The following MUC3A variants were observed in gnomAD, a reference collection of about 807,000 sequenced individuals.
The protein encoded by MUC3A is mucin 3A, cell surface associated, also known as mucin-3A.
Under a neutral mutation model 109.0 loss-of-function variants are expected in MUC3A, and 109 were observed. That is an observed-to-expected ratio of 1.00 (90% CI 0.86 to 1.17). The LOEUF (loss-of-function observed/expected upper bound fraction) is 1.17. Ranked by LOEUF, MUC3A falls within the 50% of genes most tolerant of loss-of-function variation. MUC3A has a pLI of 0.00. For synonymous variants in MUC3A, 1,398 were observed against 981.4 expected, an observed-to-expected ratio of 1.42 and a Z score of -7.93; for missense variants, 3,537 against 2,469.4, an observed-to-expected ratio of 1.43 and a Z score of -9.16.
rs767750373 is a variant in MUC3A at position 100,967,169 on chromosome 7, C to A, written c.*7C>A. 3.8e-6 allele frequency: 6 copies of A among 1,598,540 alleles called. No homozygotes were observed. The highest frequency in any genetic ancestry group is 5.1e-6 in the Non-Finnish European group (6 of 1,179,816). The stretch of plus-strand genomic sequence containing the variant: ...GACCTCGTCCTCAGTGTGAGCCCTG[C>A]GGGGCCCCTTCACCACCCCCTCCGC... On this transcript the variant is annotated 3_prime_UTR_variant, in exon 12 of 12. Coordinates refer to ENST00000379458, the MANE Select transcript of MUC3A (RefSeq NM_005960.2).
chr7:100,963,262 A>G lies in MUC3A; in HGVS notation c.9164A>G (p.Asn3055Ser). Residue 3055 changes from asparagine (N) to serine (S), a missense_variant, in exon 4 of 12, where the codon AAT (asparagine) becomes AGT (serine). Transcript: ENST00000379458. ...AYRDFNKTFW[N>S]QMQKIFADMQ... ...AGGGATTTCAACAAGACCTTCTGGAATCAGGTAAAGGGCAAAGAGAGGGGA... is the reference window on the plus strand; with the variant it reads ...AGGGATTTCAACAAGACCTTCTGGAGTCAGGTAAAGGGCAAAGAGAGGGGA... The G allele has an allele frequency of 1.3e-6, 2 of 1,597,304 alleles. No individual in the cohort carries two copies. Among genetic ancestry groups the G allele is most frequent in the South Asian group, 2.2e-5 (2 of 90,720 alleles).
At chr7:100,964,927 G>T in intron 6 of MUC3A, 84 bp downstream of exon 6, 1 of 1,493,350 alleles carries the variant, frequency 6.7e-7, no homozygotes, top group Middle Eastern at 2.0e-4. Context: ...ACTGGGCTCA[G>T]GTGCCAGCCC....
rs1792004997 is a variant in MUC3A, at chr7:100,952,874, T to TTCTCTCCCACCCACCTCTTCC, written c.1105_1125dup (p.Pro369_Pro375dup). ...TGACAGGTACATTGTCCACAGAGAC[T>TTCTCTCCCACCCACCTCTTCC]TCTCTCCCACCCACCTCTTCCTCTC... On this transcript the variant is annotated inframe_insertion, in exon 2 of 12. Transcript: ENST00000379458. 4 of 1,551,666 alleles carry TTCTCTCCCACCCACCTCTTCC rather than the reference T, an allele frequency of 2.6e-6. No individual in the cohort carries two copies. The highest frequency in any genetic ancestry group is 2.7e-5 in the African/African-American group (2 of 73,830).
In MUC3A at chr7:100,960,387, G is replaced by A; in HGVS notation, c.8608G>A (p.Glu2870Lys). 1.9e-6 allele frequency: 3 copies of A among 1,598,538 alleles called. No homozygotes were observed. The highest frequency in any genetic ancestry group is 2.5e-6 in the Non-Finnish European group (3 of 1,179,828). ...CACAAGTACTCGACTGCCCACCAGT[G>A]AGACCTGGCTGAGCAACAGTTCTGT... ...VFTSTRLPTSETWLSNSSVIP... is the reference protein window; with the variant it reads ...VFTSTRLPTSKTWLSNSSVIP... Residue 2870 changes from glutamate (E) to lysine (K), a missense_variant, in exon 2 of 12, where the codon GAG (glutamate) becomes AAG (lysine). Coordinates refer to ENST00000379458, the MANE Select transcript of MUC3A (RefSeq NM_005960.2).
chr7:100,962,260 A>C (rs1162009580), intron 3 of MUC3A, among the ~76,000 whole-genome samples: 36 of 2,448 alleles, frequency 0.015, 7 homozygotes, highest in Non-Finnish European at 0.041. Flanking sequence ...AAAAAAAAAA[A>C]AAAAAAACTT....
At position 100,960,553 on chromosome 7, in the gene MUC3A, C is replaced by T. The variant is rs1020182126; in HGVS notation, c.8774C>T (p.Ala2925Val). Residue 2925 changes from alanine to valine, a missense_variant, in exon 2 of 12, where the codon GCC (alanine) becomes GTC (valine). Coordinates refer to ENST00000379458, the MANE Select transcript of MUC3A (RefSeq NM_005960.2). ...PTTRTSETPV[A>V]TTQTPTTLTS... ...ACTAGGACTTCAGAGACACCAGTGG[C>T]CACTACCCAGACTCCTACCACCCTT... 1.9e-6 allele frequency: 3 copies of T among 1,598,740 alleles called. No individual in the cohort carries two copies. The highest frequency in any genetic ancestry group is 2.5e-6 in the Non-Finnish European group (3 of 1,179,820).
At chr7:100,963,303 T>TTTTTTTTTTGA in intron 4 of MUC3A, 37 bp downstream of exon 4, 71 of 1,392,642 alleles carry the variant, frequency 5.1e-5, no homozygotes, top group Non-Finnish European at 6.8e-5. Flanking sequence ...TTTTTTTTTT[T>TTTTTTTTTTGA]GAGGTGTAGT....
In MUC3A at chr7:100,959,768, C is replaced by G. The variant is rs761623348; in HGVS notation, c.7989C>G (p.Phe2663Leu). The change falls in exon 2 of 12, where the codon TTC becomes TTG. Residue 2663 changes from phenylalanine (F) to leucine (L), a missense_variant. By Grantham distance (22) the Phe-to-Leu change is conservative. Transcript: ENST00000379458. ...TSTSEFTTESFTRGSTSTNAI... is the reference protein window; with the variant it reads ...TSTSEFTTESLTRGSTSTNAI... ...CAAGTGAGTTCACTACAGAATCTTT[C>G]ACTAGGGGAAGTACGTCTACAAATG... 2 of 1,597,900 alleles carry G rather than the reference C, an allele frequency of 1.3e-6. No homozygotes were observed. Among genetic ancestry groups the G allele is most frequent in the Non-Finnish European group, 1.7e-6 (2 of 1,179,516 alleles).
intron 6 of MUC3A, 30 bp from the exon 7 acceptor site, chr7:100,965,252 C>T: frequency 6.3e-7 from 1 of 1,596,752 alleles, no homozygotes; most frequent in East Asian, 2.2e-5. Context: ...ATCTGCCCCG[C>T]CCATTCCATC....
chr7:100,956,989 C>A lies in MUC3A; in HGVS notation c.5210C>A (p.Pro1737His), dbSNP rs1792113750. 3 of 438,246 alleles carry A rather than the reference C, an allele frequency of 6.8e-6. No individual in the cohort carries two copies. Among genetic ancestry groups the A allele is most frequent in the Admixed American group, 7.9e-5 (2 of 25,282 alleles). The allele number at this position is 438,246 out of a possible 1,614,324, so 27.1% of individuals were successfully genotyped here. The change falls in exon 2 of 12, where the codon CCT (proline) becomes CAT (histidine). Residue 1737 changes from proline (P) to histidine (H), a missense_variant. Physicochemically the swap from Pro to His is moderately conservative, Grantham distance 77 (BLOSUM62 -2). Transcript: ENST00000379458. ...TTCACCAGTTCAACAGCCACATCCC[C>A]TAAGACCACCACACTGACTCCTACC... is the stretch of plus-strand genomic sequence containing the variant. ...TTFTSSTATSPKTTTLTPTSD... is the reference protein window; with the variant it reads ...TTFTSSTATSHKTTTLTPTSD...
In MUC3A at chr7:100,956,088, A is replaced by G. The variant is rs1792088804; in HGVS notation, c.4309A>G (p.Thr1437Ala). The change falls in exon 2 of 12, where the codon ACA becomes GCA. Residue 1437 changes from threonine to alanine, a missense_variant. Coordinates refer to ENST00000379458, the MANE Select transcript of MUC3A (RefSeq NM_005960.2). Reference protein sequence around the residue: ...PSTEVTTSHTTNTNPVSTLVT... With the variant: ...PSTEVTTSHTANTNPVSTLVT... Reference sequence around the variant, plus strand: ...CACAGAGGTGACCACCAGTCATACCACAAACACCAATCCTGTATCCACGTT... The same window carrying G: ...CACAGAGGTGACCACCAGTCATACCGCAAACACCAATCCTGTATCCACGTT... The G allele has an allele frequency of 4.6e-6, 2 of 438,170 alleles. No individual in the cohort carries two copies. The highest frequency in any genetic ancestry group is 2.0e-5 in the African/African-American group (1 of 49,398). 27.1% of individuals were successfully genotyped at this position (438,170 alleles called of 1,614,324 possible). A position where few individuals can be genotyped will look rare whatever the true frequency, so the allele number is the denominator to read the frequency against.
chr7:100,957,738 C>T lies in MUC3A; in HGVS notation c.5959C>T (p.His1987Tyr). Residue 1987 changes from histidine (H) to tyrosine (Y), a missense_variant, in exon 2 of 12, where the codon CAC becomes TAC. His to Tyr is a moderately conservative substitution (Grantham distance 83). Coordinates refer to ENST00000379458, the MANE Select transcript of MUC3A (RefSeq NM_005960.2). ...SSITTTKTTS[H>Y]STPSYTSLIT... ...AATCACCACCACCAAGACCACCTCACACAGTACTCCCAGCTACACTTCTTT... is the reference window on the plus strand; with the variant it reads ...AATCACCACCACCAAGACCACCTCATACAGTACTCCCAGCTACACTTCTTT... 1.5e-6 allele frequency: 2 copies of T among 1,321,036 alleles called. No homozygotes were observed. The highest frequency in any genetic ancestry group is 2.1e-6 in the Non-Finnish European group (2 of 953,884). The allele number at this position is 1,321,036 out of a possible 1,614,324, so 81.8% of individuals were successfully genotyped here. A position where few individuals can be genotyped will look rare whatever the true frequency, so the allele number is the denominator to read the frequency against.
Position 100,959,818 on chromosome 7 carries a change from T to G in MUC3A, c.8039T>G (p.Ile2680Ser). Residue 2680 changes from isoleucine (I) to serine (S), a missense_variant, in exon 2 of 12, where the codon ATC (isoleucine) becomes AGC (serine). By Grantham distance (142) the Ile-to-Ser change is moderately radical. Coordinates refer to ENST00000379458, the MANE Select transcript of MUC3A (RefSeq NM_005960.2). ...TNAILTSFST[I>S]IWSSTPTIIM... ...GCAATCTTGACTTCTTTTAGTACCA[T>G]CATCTGGTCCTCAACACCCACTATT... The G allele has an allele frequency of 6.3e-7, 1 of 1,585,862 alleles. No homozygotes were observed. The highest frequency in any genetic ancestry group is 8.5e-7 in the Non-Finnish European group (1 of 1,173,594).
At chr7:100,963,866 G>C in intron 5 of MUC3A, 114 bp downstream of exon 5, 9 of 1,402,718 alleles carry the variant, frequency 6.4e-6, no homozygotes, top group Non-Finnish European at 8.8e-6. Flanking sequence ...GGGGTGGAGG[G>C]GGTACATAAG....
In MUC3A at chr7:100,967,399, C is replaced by T. The variant is rs933140584; in HGVS notation, c.*237C>T. ...TGTGGAATCTTGGGCAAGTCAGTAACGAGCCTCAGTTTCCTCACCTGCAAA... is the reference window on the plus strand; with the variant it reads ...TGTGGAATCTTGGGCAAGTCAGTAATGAGCCTCAGTTTCCTCACCTGCAAA... On this transcript the variant is annotated 3_prime_UTR_variant, in exon 12 of 12. Transcript: ENST00000379458. 10 of 646,434 alleles carry T rather than the reference C, an allele frequency of 1.5e-5. No individual in the cohort carries two copies. The highest frequency in any genetic ancestry group is 8.2e-5 in the East Asian group (3 of 36,536). 40.0% of individuals were successfully genotyped at this position (646,434 alleles called of 1,614,324 possible). A position where few individuals can be genotyped will look rare whatever the true frequency, so the allele number is the denominator to read the frequency against.
In MUC3A at chr7:100,964,524, C is replaced by A. The variant is rs1269939441; in HGVS notation, c.9234-171C>A. 6.3e-6 allele frequency: 7 copies of A among 1,117,480 alleles called. No individual in the cohort carries two copies. In the African/African-American group the frequency reaches 6.3e-5, roughly 10 times the overall value. 69.2% of individuals were successfully genotyped at this position (1,117,480 alleles called of 1,614,324 possible). On this transcript the variant is annotated intron_variant, in intron 5 of 11. Coordinates refer to ENST00000379458, the MANE Select transcript of MUC3A (RefSeq NM_005960.2). ...TCCTTGTCCTGCCTTCCCAGGCAGA[C>A]CAAGTCAGGAATGCTGGCAGCCCCT...
chr7:100,963,485 C>T (rs1204135228), intron 4 of MUC3A, among the ~76,000 whole-genome samples: 3 of 152,310 alleles, frequency 2.0e-5, no homozygotes, highest in African/African-American at 7.2e-5. Flanking sequence ...CGGGTTTTCA[C>T]TATGTTGGCC....
In MUC3A at chr7:100,960,597, C is replaced by T. The variant is rs549158856; in HGVS notation, c.8818C>T (p.Arg2940Cys). 11 of 1,598,676 alleles carry T rather than the reference C, an allele frequency of 6.9e-6. No individual in the cohort carries two copies. Among genetic ancestry groups the T allele is most frequent in the Admixed American group, 5.0e-5 (3 of 60,026 alleles). The change falls in exon 2 of 12, where the codon CGC (arginine) becomes TGC (cysteine). Residue 2940 changes from arginine to cysteine, a missense_variant. Arg to Cys is a radical substitution (Grantham distance 180). Transcript: ENST00000379458. ...CACCCTTACATCACGCAGGACAACT[C>T]GCATCACTTCTCAGATGACCACACA... Reference protein sequence around the residue: ...PTTLTSRRTTRITSQMTTQST... With the variant: ...PTTLTSRRTTCITSQMTTQST...
chr7:100,963,171 G>A lies in MUC3A; in HGVS notation c.9073G>A (p.Gly3025Ser), dbSNP rs923504277. 10 of 1,596,246 alleles carry A rather than the reference G, an allele frequency of 6.3e-6. No homozygotes were observed. The African/African-American group carries it at 1.3e-4, about 21-fold the overall frequency. Residue 3025 changes from glycine to serine, a missense_variant, in exon 4 of 12, where the codon GGC becomes AGC. Physicochemically the swap from Gly to Ser is moderately conservative, Grantham distance 56 (BLOSUM62 0). Transcript: ENST00000379458. ...TGTAGATGTAGTGGAGACCGAGGTG[G>A]GCATGGAAGTGTCTGTGGATCAGCA... is the stretch of plus-strand genomic sequence containing the variant. Reference protein sequence around the residue: ...VDLDVVETEVGMEVSVDQQFS... With the variant: ...VDLDVVETEVSMEVSVDQQFS...
Sources: allele counts gnomAD v4.1 joint callset (sites outside exome capture counted in the v4.1 genomes callset), GRCh38; gene constraint gnomAD v4.1.1; transcripts MANE v1.5; gene names NCBI Gene and HGNC (gene_info 2026-07-23, HGNC 2026-07-21).